ALDH1A2: variants seen among roughly 807,000 people sequenced by gnomAD.
The protein encoded by ALDH1A2 is aldehyde dehydrogenase 1 family member A2.
A neutral mutation model predicts 60.3 loss-of-function variants in ALDH1A2; 27 were observed. The ratio of observed to expected loss-of-function variants is 0.45; its 90% CI spans 0.33 to 0.62. The LOEUF (loss-of-function observed/expected upper bound fraction) is 0.62, where lower values mean the gene tolerates loss of function less well. Ranked by LOEUF, ALDH1A2 falls within the 20% of genes least tolerant of loss-of-function variation. ALDH1A2 has a pLI of 0.02. For missense variants in ALDH1A2, 581 were observed against 643.8 expected, an observed-to-expected ratio of 0.90 and a Z score of 1.06; for synonymous variants, 289 against 232.4, an observed-to-expected ratio of 1.24 and a Z score of -2.21.
intron 1 of ALDH1A2, among the ~76,000 whole-genome samples, chr15:58,027,984 T>A (rs535127993): frequency 6.6e-6 from 1 of 152,076 alleles, no homozygotes; most frequent in South Asian, 2.1e-4. Flanking sequence ...TTCAGGACAT[T>A]ATCCAGGAGA....
chr15:58,065,482 A>C, intron 1 of ALDH1A2, 52 bp downstream of exon 1: 1 of 1,463,326 alleles, frequency 6.8e-7, no homozygotes, highest in Non-Finnish European at 9.6e-7. Flanking sequence ...GGGGAAACCG[A>C]AGAAGGTTCT....
Position 57,962,120 on chromosome 15 carries a change from C to T in ALDH1A2, c.1143G>A (p.Glu381=). The part of the protein sequence containing the change: ...ILELIQSGVA[E]GAKLECGGKG... ...TGCCTCCACATTCCAGCTTGGCGCC[C>T]TCAGCCACACCACTCTGGATGAGTT... The change falls in exon 10 of 13, where the codon GAG becomes GAA. Residue 381 remains glutamate (E), a synonymous_variant. Coordinates refer to ENST00000249750, the MANE Select transcript of ALDH1A2 (RefSeq NM_003888.4). 6.2e-7 allele frequency: 1 copy of T among 1,614,178 alleles called. No homozygotes were observed.
chr15:58,014,414 G>A (rs1411494832), intron 1 of ALDH1A2, 133 bp from the exon 2 acceptor site: 10 of 806,868 alleles, frequency 1.2e-5, no homozygotes, highest in Non-Finnish European at 1.9e-5. Flanking sequence ...AGTGTTTTAA[G>A]AGACCCTTCT....
intron 7 of ALDH1A2, among the ~76,000 whole-genome samples, chr15:57,974,317 C>T (rs1279240931): frequency 6.6e-6 from 1 of 151,378 alleles, no homozygotes; most frequent in East Asian, 1.9e-4. Context: ...CCTGTAGTTC[C>T]AGCTACTTGG....
intron 1 of ALDH1A2, among the ~76,000 whole-genome samples, chr15:58,043,807 G>A (rs1896575664): frequency 6.6e-6 from 1 of 151,892 alleles, no homozygotes; most frequent in African/African-American, 2.4e-5. Flanking sequence ...TCCTATTAAA[G>A]CACTATTTTA....
At chr15:57,968,255 T>C (rs1893956949) in intron 7 of ALDH1A2, among the ~76,000 whole-genome samples, 1 of 152,238 alleles carries the variant, frequency 6.6e-6, no homozygotes, top group Non-Finnish European at 1.5e-5. Context: ...GAGTAGTCTA[T>C]GTTAGATACT....
At chr15:57,974,450 A>G (rs1001084143) in intron 7 of ALDH1A2, among the ~76,000 whole-genome samples, 86 of 150,860 alleles carry the variant, frequency 5.7e-4, no homozygotes, top group South Asian at 2.9e-3. Context: ...AAAAAAAAAA[A>G]AAAGAAAGAA....
At chr15:58,060,358 T>A (rs1339188561) in intron 1 of ALDH1A2, among the ~76,000 whole-genome samples, 2 of 152,194 alleles carry the variant, frequency 1.3e-5, no homozygotes, top group East Asian at 3.8e-4. Context: ...TAACACACTT[T>A]TCATTTAGTC....
At chr15:58,033,708 A>C (rs1245384399) in intron 1 of ALDH1A2, among the ~76,000 whole-genome samples, 1 of 147,378 alleles carries the variant, frequency 6.8e-6, no homozygotes, top group African/African-American at 2.5e-5. Context: ...TTACATGTGA[A>C]TATCTAGTTT....
intron 1 of ALDH1A2, among the ~76,000 whole-genome samples, chr15:58,027,986 T>A (rs554897625): frequency 5.9e-5 from 9 of 152,098 alleles, no homozygotes; most frequent in African/African-American, 2.2e-4. Flanking sequence ...CAGGACATTA[T>A]CCAGGAGAAC....
chr15:57,963,653 TA>T (rs1283166474), intron 9 of ALDH1A2, among the ~76,000 whole-genome samples: 1 of 152,060 alleles, frequency 6.6e-6, no homozygotes, highest in South Asian at 2.1e-4. Flanking sequence ...AGAATATTCT[TA>T]AAGTAATGGT....
At chr15:58,032,415 T>A (rs1484246467) in intron 1 of ALDH1A2, among the ~76,000 whole-genome samples, 1 of 152,024 alleles carries the variant, frequency 6.6e-6, no homozygotes. Context: ...AAATGAGTAG[T>A]TAATGGGTGC....
chr15:58,017,291 T>A (rs1302911575), intron 1 of ALDH1A2, among the ~76,000 whole-genome samples: 4 of 152,204 alleles, frequency 2.6e-5, no homozygotes, highest in Non-Finnish European at 5.9e-5. Context: ...TATTTGTTGA[T>A]AAAATTTACT....
At chr15:57,958,186 T>G (rs80273393) in intron 12 of ALDH1A2, among the ~76,000 whole-genome samples, 2,063 of 141,870 alleles carry the variant, frequency 0.015, 23 homozygotes, top group African/African-American at 0.033. Context: ...TGGAGGTGAC[T>G]TCTCTGTATG....
At chr15:57,973,270 A>G (rs1470877191) in intron 7 of ALDH1A2, among the ~76,000 whole-genome samples, 2 of 152,206 alleles carry the variant, frequency 1.3e-5, no homozygotes, top group African/African-American at 4.8e-5. Flanking sequence ...ATTTACATGC[A>G]CTGCTTATGT....
chr15:57,986,004 T>C (rs1265735188), intron 7 of ALDH1A2, among the ~76,000 whole-genome samples: 1 of 152,190 alleles, frequency 6.6e-6, no homozygotes, highest in African/African-American at 2.4e-5. Flanking sequence ...GTAAATAAAA[T>C]AGTAACCTCA....
chr15:57,960,687 T>A, intron 12 of ALDH1A2, 83 bp downstream of exon 12: 1 of 1,201,018 alleles, frequency 8.3e-7, no homozygotes, highest in Admixed American at 1.7e-5. Flanking sequence ...GAGTGTAAGA[T>A]AATTAAACTA....
intron 5 of ALDH1A2, 40 bp downstream of exon 5, chr15:57,995,038 C>A (rs750841249): frequency 2.2e-5 from 34 of 1,562,480 alleles, no homozygotes; most frequent in Non-Finnish European, 3.0e-5. Context: ...AGAACTGGGT[C>A]AAATGAAAAT....
intron 1 of ALDH1A2, among the ~76,000 whole-genome samples, chr15:58,031,392 G>A (rs1386855771): frequency 6.6e-6 from 1 of 152,104 alleles, no homozygotes; most frequent in Non-Finnish European, 1.5e-5. Context: ...TTAAATGTTA[G>A]ACCTAAAACC....
Sources: allele counts gnomAD v4.1 joint callset (sites outside exome capture counted in the v4.1 genomes callset), GRCh38; gene constraint gnomAD v4.1.1; transcripts MANE v1.5; gene names NCBI Gene and HGNC (gene_info 2026-07-23, HGNC 2026-07-21).